GRIN1: variants seen among roughly 807,000 people sequenced by gnomAD.
The protein encoded by GRIN1 is glutamate receptor ionotropic, NMDA 1.
In GRIN1, 38 loss-of-function variants were observed where a neutral mutation model predicts 103.0. The ratio of observed to expected loss-of-function variants is 0.37; its 90% CI spans 0.28 to 0.48. The LOEUF is 0.48. Ranked by LOEUF, GRIN1 falls within the 20% of genes least tolerant of loss-of-function variation. The probability of loss-of-function intolerance (pLI) is 0.98; values close to 1 mark genes in which losing one functional copy is unlikely to be tolerated. For synonymous variants in GRIN1, 544 were observed against 532.7 expected, an observed-to-expected ratio of 1.02 and a Z score of -0.29; for missense variants, 577 against 1,288.9, an observed-to-expected ratio of 0.45 and a Z score of 8.46.
chr9:137,161,972 C>A lies in GRIN1; in HGVS notation c.1516C>A (p.Leu506Ile). ...KEWNGMMGEL[L>I]SGQADMIVAP... ...GTGGAATGGGATGATGGGCGAGCTG[C>A]TCAGCGGGCAGGCAGACATGATCGT... Residue 506 changes from leucine (L) to isoleucine (I), a missense_variant, in exon 11 of 20, where the codon CTC becomes ATC. Leu to Ile is a conservative substitution (Grantham distance 5, BLOSUM62 2). Around this residue, in one of 9 missense-constraint regions of GRIN1, gnomAD observed 96 missense variants for 145.0 expected, o/e 0.66. Transcript: ENST00000371561. 6.4e-7 allele frequency: 1 copy of A among 1,565,462 alleles called. No homozygotes were observed. The highest frequency in any genetic ancestry group is 8.7e-7 in the Non-Finnish European group (1 of 1,155,304).
chr9:137,163,215 GCCT>G lies in GRIN1; in HGVS notation c.2220_2222del (p.Ser741del). 1 of 1,613,640 alleles carries G rather than the reference GCCT, an allele frequency of 6.2e-7. No individual in the cohort carries two copies. The highest frequency in any genetic ancestry group is 8.5e-7 in the Non-Finnish European group (1 of 1,179,940). On this transcript the variant is annotated inframe_deletion, in exon 16 of 20. Transcript: ENST00000371561. Reference sequence around the variant, plus strand: ...GGACTCGGCGGTGCTGGAGTTCGAGGCCTCGCAGAAGTGCGACCTGGTGACGAC... The same window carrying G: ...GGACTCGGCGGTGCTGGAGTTCGAGGCGCAGAAGTGCGACCTGGTGACGAC...
At chr9:137,166,044 G>A (rs894126750) in intron 19 of GRIN1, among the ~76,000 whole-genome samples, 1 of 152,152 alleles carries the variant, frequency 6.6e-6, no homozygotes, top group Non-Finnish European at 1.5e-5. Flanking sequence ...CCTGCAGGAG[G>A]TGTGGCGGCA....
intron 19 of GRIN1, among the ~76,000 whole-genome samples, chr9:137,166,314 G>A (rs545008815): frequency 2.6e-5 from 4 of 152,324 alleles, no homozygotes; most frequent in African/African-American, 4.8e-5. Flanking sequence ...CCCCCAGAGC[G>A]AACCCAGCCT....
At chr9:137,140,361 C>G (rs1832102163) in intron 1 of GRIN1, among the ~76,000 whole-genome samples, 1 of 152,174 alleles carries the variant, frequency 6.6e-6, no homozygotes, top group Admixed American at 6.5e-5. Context: ...GCCCCTGGGC[C>G]GAGCGCCTGC....
chr9:137,150,252 C>T (rs1832762026), intron 4 of GRIN1, among the ~76,000 whole-genome samples: 1 of 152,168 alleles, frequency 6.6e-6, no homozygotes, highest in Non-Finnish European at 1.5e-5. Flanking sequence ...TTTTTAAAGA[C>T]GTGACCAGGC....
At chr9:137,164,312 C>T (rs534856127) in intron 18 of GRIN1, 43 of 321,204 alleles carry the variant, frequency 1.3e-4, no homozygotes, top group African/African-American at 8.4e-4. Flanking sequence ...AGACCCCCCC[C>T]TTTCCTGCTA....
chr9:137,163,511 C>A, intron 16 of GRIN1, 48 bp from the exon 17 acceptor site: 1 of 1,424,416 alleles, frequency 7.0e-7, no homozygotes, highest in Non-Finnish European at 9.9e-7. Context: ...TTGCTCCTTC[C>A]CGTCCTGGGC....
Position 137,139,468 on chromosome 9 carries a change from A to G in GRIN1, c.-19A>G, listed in dbSNP as rs758952777. ...CCCCGCGTTCGCGCCGCGCAGAGCC[A>G]GGCCCGCGGCCCGAGCCCATGAGCA... is the stretch of plus-strand genomic sequence containing the variant. On this transcript the variant is annotated 5_prime_UTR_variant, in exon 1 of 20. Transcript: ENST00000371561. This position sits in a 1 kb window ranked among gnomAD's most constrained non-coding sequence, Gnocchi z 7.7. 12 of 1,545,864 alleles carry G rather than the reference A, an allele frequency of 7.8e-6. No homozygotes were observed. Among genetic ancestry groups the G allele is most frequent in the Non-Finnish European group, 1.0e-5 (12 of 1,146,532 alleles).
intron 1 of GRIN1, among the ~76,000 whole-genome samples, chr9:137,140,292 G>A (rs551693293): frequency 6.6e-6 from 1 of 152,188 alleles, no homozygotes; most frequent in Non-Finnish European, 1.5e-5. Flanking sequence ...GGGAGCTGTC[G>A]GCAGCCAGCG....
At chr9:137,142,230 G>A (rs887279079) in intron 2 of GRIN1, 83 bp downstream of exon 2, 59 of 1,416,596 alleles carry the variant, frequency 4.2e-5, no homozygotes, top group South Asian at 8.0e-5. Flanking sequence ...GGGCCGACCC[G>A]CTCACATGGA....
Position 137,164,100 on chromosome 9 carries a change from C to T in GRIN1, c.2589+196C>T, listed in dbSNP as rs903947643. ...TGGGGGGCTGCCTGCAGGTGGCTGC[C>T]CACTGCAAAGCCGGGGCCGAGGGAG... On this transcript the variant is annotated intron_variant, in intron 18 of 19. Transcript: ENST00000371561. The T allele has an allele frequency of 8.6e-6, 6 of 699,552 alleles. No individual in the cohort carries two copies. In the African/African-American group the frequency reaches 8.9e-5, roughly 10 times the overall value. 43.3% of individuals were successfully genotyped at this position (699,552 alleles called of 1,614,324 possible).
intron 8 of GRIN1, among the ~76,000 whole-genome samples, chr9:137,159,391 C>T (rs1833406622): frequency 6.6e-6 from 1 of 152,208 alleles, no homozygotes; most frequent in African/African-American, 2.4e-5. Flanking sequence ...TGTCTCTTGA[C>T]CCTGTCTGTT....
intron 4 of GRIN1, among the ~76,000 whole-genome samples, chr9:137,152,266 T>C (rs1832958489): frequency 6.6e-6 from 1 of 152,158 alleles, no homozygotes; most frequent in Non-Finnish European, 1.5e-5. Context: ...ATCACAGAGC[T>C]TGAGAGAAAT....
intron 6 of GRIN1, among the ~76,000 whole-genome samples, chr9:137,157,526 G>C (rs1028334647): frequency 6.6e-6 from 1 of 152,186 alleles, no homozygotes; most frequent in African/African-American, 2.4e-5. Context: ...GCAGCCTTTG[G>C]GAGGAGGCTC....
Position 137,168,420 on chromosome 9 carries a change from ACTCGAGAG to A in GRIN1, c.*894_*901del, listed in dbSNP as rs1008742692. ...CGCCGCCTCGGGCCGCCTCCTCCAG[ACTCGAGAG>A]GGCTGAGCCCCTCCTCTCCTCGTCC... On this transcript the variant is annotated 3_prime_UTR_variant, in exon 20 of 20. Coordinates refer to ENST00000371561, the MANE Select transcript of GRIN1 (RefSeq NM_007327.4). 1 of 190,120 alleles carries A rather than the reference ACTCGAGAG, an allele frequency of 5.3e-6. No homozygotes were observed. Among genetic ancestry groups the A allele is most frequent in the Non-Finnish European group, 1.1e-5 (1 of 94,534 alleles). The allele number at this position is 190,120 out of a possible 1,614,324, so 11.8% of individuals were successfully genotyped here.
At chr9:137,159,874 C>T (rs1241796322) in intron 8 of GRIN1, among the ~76,000 whole-genome samples, 6 of 152,158 alleles carry the variant, frequency 3.9e-5, no homozygotes, top group Admixed American at 2.0e-4. Flanking sequence ...GGGAGGGTGC[C>T]TCTCCCACCA....
rs2131280005 is a variant in GRIN1 at position 137,158,514 on chromosome 9, T to C, written c.1104T>C (p.Asn368=). 1.2e-6 allele frequency: 2 copies of C among 1,608,952 alleles called. No individual in the cohort carries two copies. The highest frequency in any genetic ancestry group is 1.7e-6 in the Non-Finnish European group (2 of 1,177,928). Residue 368 remains asparagine (N), a synonymous_variant, in exon 7 of 20, where the codon AAT becomes AAC. Transcript: ENST00000371561. The stretch of plus-strand genomic sequence containing the variant: ...AGCTGGTGCAAGTGGGCATCTACAA[T>C]GGCACCCACGTAGGTGGGGGTCATG... The part of the protein sequence containing the change: ...NRKLVQVGIY[N]GTHVIPNDRK...
intron 14 of GRIN1, 35 bp downstream of exon 14, chr9:137,162,774 G>A: frequency 1.9e-6 from 3 of 1,601,120 alleles, no homozygotes; most frequent in Non-Finnish European, 1.7e-6. Flanking sequence ...GGGAATGCGA[G>A]GTGAGCTGGG....
intron 4 of GRIN1, among the ~76,000 whole-genome samples, chr9:137,153,884 T>C (rs1394246698): frequency 2.0e-5 from 3 of 151,682 alleles, no homozygotes; most frequent in Admixed American, 2.0e-4. Flanking sequence ...GATCTCAGCT[T>C]ACTGCAACCT....
Sources: gnomAD v4.1 joint callset for allele counts (sites outside exome capture counted in the v4.1 genomes callset) on GRCh38, gnomAD v4.1.1 for gene constraint, gnomAD v4.1.1 regional missense constraint, Gnocchi (gnomAD v3.1) non-coding constraint, MANE v1.5 for transcripts, NCBI Gene and HGNC (gene_info 2026-07-23, HGNC 2026-07-21) for gene names.